Variants in TNNI3K observed in about 807,000 individuals in gnomAD.
TNNI3K encodes the protein TNNI3 interacting kinase.
TNNI3K carries 140 observed loss-of-function variants against 114.5 expected under a neutral mutation model. The ratio of observed to expected loss-of-function variants is 1.22; its 90% CI spans 1.07 to 1.41. TNNI3K has a LOEUF of 1.41. TNNI3K is among the 40% of genes most tolerant of loss of function. The probability of loss-of-function intolerance (pLI) is 0.00; values close to 1 mark genes in which losing one functional copy is unlikely to be tolerated. For missense variants in TNNI3K, 1,125 were observed against 1,007.6 expected, an observed-to-expected ratio of 1.12 and a Z score of -1.58; for synonymous variants, 347 against 347.5, an observed-to-expected ratio of 1.00 and a Z score of 0.02.
intron 5 of TNNI3K, among the ~76,000 whole-genome samples, chr1:74,316,293 C>T (rs1570457144): frequency 6.6e-6 from 1 of 152,206 alleles, no homozygotes; most frequent in African/African-American, 2.4e-5. Context: ...CTCCTTTCCT[C>T]TGCCTTTTCT....
chr1:74,455,818 C>T (rs1667203718), intron 20 of TNNI3K, among the ~76,000 whole-genome samples: 1 of 152,194 alleles, frequency 6.6e-6, no homozygotes, highest in Admixed American at 6.5e-5. Context: ...GATGCCTGCC[C>T]ACATTGGTGA....
Position 74,417,759 on chromosome 1 carries a change from G to C in TNNI3K, c.1773-18321G>C, listed in dbSNP as rs542246292. ...CAGAGAGAGAGAGAGAGAGATGAGA[G>C]AGAGAAAAGAATAAAAGGAAGGAAG... On this transcript the variant is annotated intron_variant, in intron 17 of 24. Transcript: ENST00000326637. Among the ~76,000 whole-genome samples the C allele has an allele frequency of 2.6e-5, 4 of 151,442 alleles. No individual in the cohort carries two copies. In the South Asian group the frequency reaches 8.3e-4, roughly 31 times the overall value.
intron 4 of TNNI3K, among the ~76,000 whole-genome samples, chr1:74,255,411 G>T (rs1346481107): frequency 1.3e-5 from 2 of 150,640 alleles, no homozygotes; most frequent in South Asian, 4.2e-4. Flanking sequence ...GTAAGTCTCA[G>T]CCTCATTTTC....
intron 7 of TNNI3K, chr1:74,342,016 G>A (rs1660770166): frequency 6.6e-6 from 1 of 152,162 alleles, no homozygotes. Context: ...TCATTATTAA[G>A]AATTATTCCA....
intron 4 of TNNI3K, among the ~76,000 whole-genome samples, chr1:74,254,869 A>G (rs748489276): frequency 1.3e-5 from 2 of 152,214 alleles, no homozygotes; most frequent in African/African-American, 4.8e-5. Context: ...CATCCACCCT[A>G]GGTACAATGC....
chr1:74,351,183 A>ACT, intron 9 of TNNI3K, among the ~76,000 whole-genome samples: 1 of 152,048 alleles, frequency 6.6e-6, no homozygotes, highest in South Asian at 2.1e-4. Flanking sequence ...ATCTCTCAGT[A>ACT]TTTGCTTGTC....
Position 74,319,128 on chromosome 1 carries a change from G to A in TNNI3K, c.445-12322G>A, listed in dbSNP as rs186772390. On this transcript the variant is annotated intron_variant, in intron 5 of 24. Transcript: ENST00000326637. ...CAGAAGACTGCAGTAAAAGTGTCGG[G>A]TGAGGCTGTAGCCATGTCAGTGAGT... 1.0e-3 allele frequency among the ~76,000 whole-genome samples: 154 copies of A among 152,320 alleles called. 1 individual carries two copies. The highest frequency in any genetic ancestry group is 3.6e-3 in the African/African-American group (149 of 41,568).
chr1:74,466,662 G>A (rs1336438000), intron 21 of TNNI3K, among the ~76,000 whole-genome samples: 1 of 152,196 alleles, frequency 6.6e-6, no homozygotes, highest in Non-Finnish European at 1.5e-5. Context: ...GCCTGACTTG[G>A]CTCTGGTAAC....
At chr1:74,353,492 AT>A in intron 10 of TNNI3K, 132 bp downstream of exon 10, 1 of 939,494 alleles carries the variant, frequency 1.1e-6, no homozygotes, top group Non-Finnish European at 1.6e-6. Flanking sequence ...AACTGCCAGC[AT>A]TTAGAATTGA....
intron 21 of TNNI3K, among the ~76,000 whole-genome samples, chr1:74,465,616 C>T (rs558787894): frequency 3.6e-4 from 55 of 152,312 alleles, no homozygotes; most frequent in Admixed American, 9.1e-4. Flanking sequence ...CGGGTCCCAC[C>T]GACCGCCCAA....
intron 17 of TNNI3K, among the ~76,000 whole-genome samples, chr1:74,377,999 A>G (rs1405283208): frequency 6.6e-6 from 1 of 152,110 alleles, no homozygotes; most frequent in African/African-American, 2.4e-5. Flanking sequence ...TTTTAAAACT[A>G]GAAGAAAGAA....
intron 17 of TNNI3K, chr1:74,372,905 A>G (rs930454117): frequency 1.3e-5 from 2 of 151,874 alleles, no homozygotes; most frequent in Non-Finnish European, 2.9e-5. Context: ...TGCTGCCTCT[A>G]ATCTAACCTA....
chr1:74,242,100 T>C (rs972593899), intron 2 of TNNI3K, among the ~76,000 whole-genome samples: 2 of 151,944 alleles, frequency 1.3e-5, no homozygotes, highest in South Asian at 2.1e-4. Context: ...CTGCCCACCT[T>C]GGCCTCCCAA....
At chr1:74,239,931 C>T in intron 2 of TNNI3K, 1 of 469,940 alleles carries the variant, frequency 2.1e-6, no homozygotes, top group Middle Eastern at 3.3e-4. Context: ...GTTGCATTCA[C>T]TCATAACTTT....
At chr1:74,481,555 C>T (rs1214771030) in intron 21 of TNNI3K, among the ~76,000 whole-genome samples, 1 of 152,158 alleles carries the variant, frequency 6.6e-6, no homozygotes, top group Non-Finnish European at 1.5e-5. Context: ...TCCAGACAAC[C>T]CAAGTACCTG....
At chr1:74,298,178 C>G (rs139505600) in intron 5 of TNNI3K, among the ~76,000 whole-genome samples, 20 of 152,234 alleles carry the variant, frequency 1.3e-4, no homozygotes, top group African/African-American at 4.8e-4. Flanking sequence ...TTATTTGCCT[C>G]TCATATACTC....
At chr1:74,294,681 G>T (rs1657875590) in intron 5 of TNNI3K, among the ~76,000 whole-genome samples, 1 of 151,912 alleles carries the variant, frequency 6.6e-6, no homozygotes, top group African/African-American at 2.4e-5. Flanking sequence ...AAATTTATTG[G>T]CATAAATTTG....
At chr1:74,340,924 A>T (rs916295738) in intron 7 of TNNI3K, among the ~76,000 whole-genome samples, 1 of 152,168 alleles carries the variant, frequency 6.6e-6, no homozygotes, top group Admixed American at 6.6e-5. Flanking sequence ...TTAATAAAAA[A>T]AGATTCAAAG....
In TNNI3K at chr1:74,508,090, G is replaced by A. The variant is rs17095479; in HGVS notation, c.2351+15824G>A. On this transcript the variant is annotated intron_variant, in intron 23 of 24. Coordinates refer to ENST00000326637, the MANE Select transcript of TNNI3K (RefSeq NM_015978.3). ...CTAGTGTATTCTAACACAGACGGAG[G>A]CATTACTAAGAAAAAGGAGAGGCAG... Among the ~76,000 whole-genome samples the A allele has an allele frequency of 9.8e-3, 1,494 of 152,314 alleles. 19 individuals are homozygous for A. Among genetic ancestry groups the A allele is most frequent in the African/African-American group, 0.034 (1,417 of 41,566 alleles).
Sources: allele counts gnomAD v4.1 joint callset (sites outside exome capture counted in the v4.1 genomes callset), GRCh38; gene constraint gnomAD v4.1.1; transcripts MANE v1.5; gene names NCBI Gene and HGNC (gene_info 2026-07-23, HGNC 2026-07-21).